Variants in DCAF5 observed in about 807,000 individuals in gnomAD.
DCAF5 encodes DDB1- and CUL4-associated factor 5.
Under a neutral mutation model 80.7 loss-of-function variants are expected in DCAF5, and 9 were observed. That is an observed-to-expected ratio of 0.11 (90% CI 0.07 to 0.19). DCAF5 has a LOEUF of 0.19. Ranked by LOEUF, DCAF5 falls within the 10% of genes least tolerant of loss-of-function variation. The probability of loss-of-function intolerance (pLI) is 1.00; values close to 1 mark genes in which losing one functional copy is unlikely to be tolerated. For synonymous variants in DCAF5, 433 were observed against 461.9 expected (o/e 0.94, Z 0.80); for missense variants, 842 against 1,205.7 (o/e 0.70, Z 4.47).
intron 5 of DCAF5, among the ~76,000 whole-genome samples, chr14:69,109,213 G>A (rs899557937): frequency 2.0e-5 from 3 of 151,696 alleles, no homozygotes; most frequent in South Asian, 2.1e-4. Context: ...GCGTGGTGGC[G>A]GGCGCCTGTA....
intron 7 of DCAF5, among the ~76,000 whole-genome samples, chr14:69,066,516 TGGTAGGGG>T (rs988002355): frequency 9.9e-5 from 15 of 152,246 alleles, no homozygotes; most frequent in Admixed American, 9.8e-4. Context: ...TTAGAAGAGA[TGGTAGGGG>T]GGTAGGGAAG....
intron 1 of DCAF5, chr14:69,149,560 G>A (rs754934562): frequency 2.6e-5 from 4 of 152,150 alleles, no homozygotes; most frequent in Non-Finnish European, 5.9e-5. Context: ...CCAGCCACAG[G>A]AATCATGCAA....
At chr14:69,075,290 C>A in intron 7 of DCAF5, 55 bp downstream of exon 7, 1 of 1,489,666 alleles carries the variant, frequency 6.7e-7, no homozygotes, top group Non-Finnish European at 9.3e-7. Context: ...GCACAGCATG[C>A]CAAAGGTCAA....
chr14:69,088,572 T>C (rs991983001), intron 6 of DCAF5, among the ~76,000 whole-genome samples: 10 of 152,246 alleles, frequency 6.6e-5, no homozygotes, highest in Admixed American at 5.2e-4. Context: ...TCCATCTGTA[T>C]GGACTGAATA....
intron 6 of DCAF5, among the ~76,000 whole-genome samples, chr14:69,083,212 C>G: frequency 6.6e-6 from 1 of 152,160 alleles, no homozygotes; most frequent in East Asian, 1.9e-4. Context: ...TCCATAAACA[C>G]TTTATTATTA....
chr14:69,136,531 C>T (rs1384783665), intron 1 of DCAF5, among the ~76,000 whole-genome samples: 6 of 152,034 alleles, frequency 3.9e-5, no homozygotes, highest in South Asian at 2.1e-4. Flanking sequence ...ACACTCTTCT[C>T]GCTATTTTTT....
In DCAF5 at chr14:69,062,514, G is replaced by A. The variant is rs1204510707; in HGVS notation, c.947-3C>T. ...GTTGACCACCCTACCAATGCCACCT[G>A]GGAAAACAGAAGGAAACAAAAATCA... On this transcript the variant is annotated splice_region_variant and splice_polypyrimidine_tract_variant and intron_variant, in intron 7 of 8. Coordinates refer to ENST00000341516, the MANE Select transcript of DCAF5 (RefSeq NM_003861.3). 1.2e-6 allele frequency: 2 copies of A among 1,609,968 alleles called. No homozygotes were observed. The highest frequency in any genetic ancestry group is 2.7e-5 in the African/African-American group (2 of 74,784).
chr14:69,133,684 C>A (rs1314086747), intron 1 of DCAF5, among the ~76,000 whole-genome samples: 3 of 152,156 alleles, frequency 2.0e-5, no homozygotes, highest in South Asian at 2.1e-4. Context: ...TTACCTAGTA[C>A]CCTTCTGCTA....
chr14:69,102,621 T>C (rs8020025), intron 5 of DCAF5, among the ~76,000 whole-genome samples: 42,167 of 101,860 alleles, frequency 0.41, 7,297 homozygotes, highest in Middle Eastern at 0.57. Context: ...CACACACACA[T>C]ATTAGCCTAG....
At chr14:69,100,638 A>G (rs927253877) in intron 5 of DCAF5, among the ~76,000 whole-genome samples, 1 of 152,242 alleles carries the variant, frequency 6.6e-6, no homozygotes, top group Admixed American at 6.5e-5. Context: ...CTTTCTACAG[A>G]TCCACCATCC....
At chr14:69,148,241 C>T (rs1415897595) in intron 1 of DCAF5, among the ~76,000 whole-genome samples, 2 of 152,038 alleles carry the variant, frequency 1.3e-5, no homozygotes, top group African/African-American at 4.8e-5. Context: ...CCCAAGATAT[C>T]CCCTAAATAT....
chr14:69,082,455 GA>G (rs2039143251), intron 6 of DCAF5, among the ~76,000 whole-genome samples: 1 of 45,416 alleles, frequency 2.2e-5, no homozygotes, highest in East Asian at 1.1e-3. Context: ...GTTCTGTGTA[GA>G]AAAAATTCTA....
intron 1 of DCAF5, among the ~76,000 whole-genome samples, chr14:69,126,382 C>T (rs1385922176): frequency 1.3e-5 from 2 of 152,062 alleles, no homozygotes; most frequent in Non-Finnish European, 2.9e-5. Flanking sequence ...GTCTTGAACT[C>T]CTGACCTCAG....
intron 1 of DCAF5, among the ~76,000 whole-genome samples, chr14:69,145,032 G>C (rs892248647): frequency 2.0e-5 from 3 of 152,100 alleles, no homozygotes; most frequent in Non-Finnish European, 4.4e-5. Flanking sequence ...TTTCATTTTT[G>C]CCATATCAAC....
intron 5 of DCAF5, among the ~76,000 whole-genome samples, chr14:69,103,765 T>G (rs948821440): frequency 6.6e-6 from 1 of 152,240 alleles, no homozygotes; most frequent in Non-Finnish European, 1.5e-5. Flanking sequence ...TCATGCAACT[T>G]GTCCTCTACT....
intron 6 of DCAF5, among the ~76,000 whole-genome samples, chr14:69,076,194 C>T (rs2038892373): frequency 6.6e-6 from 1 of 151,722 alleles, no homozygotes; most frequent in Non-Finnish European, 1.5e-5. Context: ...GTGGGAATGA[C>T]TAACGAACGG....
At chr14:69,079,019 T>C (rs992060003) in intron 6 of DCAF5, among the ~76,000 whole-genome samples, 2 of 152,102 alleles carry the variant, frequency 1.3e-5, no homozygotes, top group Non-Finnish European at 1.5e-5. Context: ...GGCACCACCA[T>C]TTCCTGTTAC....
At chr14:69,078,306 T>C (rs1022624211) in intron 6 of DCAF5, among the ~76,000 whole-genome samples, 2 of 152,118 alleles carry the variant, frequency 1.3e-5, no homozygotes, top group Non-Finnish European at 2.9e-5. Flanking sequence ...TCACTGATCA[T>C]TAGGGAAATG....
At chr14:69,102,445 T>C (rs1005899349) in intron 5 of DCAF5, among the ~76,000 whole-genome samples, 3 of 152,108 alleles carry the variant, frequency 2.0e-5, no homozygotes, top group Non-Finnish European at 4.4e-5. Flanking sequence ...TAAACTTTTT[T>C]ACTGTTTTAA....
Sources: allele counts gnomAD v4.1 joint callset (sites outside exome capture counted in the v4.1 genomes callset), GRCh38; gene constraint gnomAD v4.1.1; transcripts MANE v1.5; gene names NCBI Gene and HGNC (gene_info 2026-07-23, HGNC 2026-07-21).